COQ8B: variants seen among roughly 807,000 people sequenced by gnomAD.
COQ8B encodes the protein coenzyme Q8B.
In COQ8B, 44 loss-of-function variants were observed where a neutral mutation model predicts 62.0. That is an observed-to-expected ratio of 0.71 (90% CI 0.56 to 0.91). COQ8B has a LOEUF of 0.91. COQ8B is among the 40% of genes least tolerant of loss of function. The pLI, the probability that COQ8B is intolerant of heterozygous loss-of-function variation, is 0.00. For missense variants in COQ8B, 649 were observed against 731.6 expected (o/e 0.89, Z 1.30); for synonymous variants, 252 against 289.9 (o/e 0.87, Z 1.33).
chr19:40,715,105 CG>C, intron 1 of COQ8B: 2 of 987,390 alleles, frequency 2.0e-6, no homozygotes, highest in Non-Finnish European at 2.4e-6. Context: ...CCTGTGCTTC[CG>C]GGAGCCTCTG....
At chr19:40,702,579 A>G in intron 10 of COQ8B, 21 bp downstream of exon 10, 1 of 1,611,958 alleles carries the variant, frequency 6.2e-7, no homozygotes, top group Non-Finnish European at 8.5e-7. Flanking sequence ...GAAGGAGGGA[A>G]GCTCAGGGCA....
chr19:40,703,505 T>C (rs1387581501), intron 9 of COQ8B, 36 bp downstream of exon 9: 1 of 1,564,048 alleles, frequency 6.4e-7, no homozygotes. Context: ...CATAGCCCCT[T>C]TGGGAGGTCA....
rs1175084629 is a variant in COQ8B at position 40,691,940 on chromosome 19, G to T, written c.*95C>A. On this transcript the variant is annotated 3_prime_UTR_variant, in exon 15 of 15. Coordinates refer to ENST00000324464, the MANE Select transcript of COQ8B (RefSeq NM_024876.4). ...AGCCAGGCAAGACTGGGAAGCCCAAGGGGGCTCCTCTGACCCAGGGCAGAC... is the reference window on the plus strand; with the variant it reads ...AGCCAGGCAAGACTGGGAAGCCCAATGGGGCTCCTCTGACCCAGGGCAGAC... 2.3e-5 allele frequency: 28 copies of T among 1,232,202 alleles called. No homozygotes were observed. Among genetic ancestry groups the T allele is most frequent in the Non-Finnish European group, 2.9e-5 (27 of 933,602 alleles). 76.3% of individuals were successfully genotyped at this position (1,232,202 alleles called of 1,614,324 possible).
Position 40,698,076 on chromosome 19 carries a change from C to A in COQ8B, c.1143+1991G>T, listed in dbSNP as rs952039576. Among the ~76,000 whole-genome samples the A allele has an allele frequency of 2.7e-4, 40 of 146,540 alleles. 1 individual carries two copies. Among genetic ancestry groups the A allele is most frequent in the Non-Finnish European group, 7.5e-5 (5 of 66,282 alleles). ...ACTAAAAATACAAAAATTAGCTGGG[C>A]GTGGTGGCAGGCACCTGTAATCCCA... On this transcript the variant is annotated intron_variant, in intron 12 of 14. Transcript: ENST00000324464.
In COQ8B at chr19:40,692,368, G is replaced by T; in HGVS notation, c.1302C>A (p.Phe434Leu). The change falls in exon 15 of 15, where the codon TTC (phenylalanine) becomes TTA (leucine). Residue 434 changes from phenylalanine to leucine, a missense_variant. By Grantham distance (22) the Phe-to-Leu change is conservative. Transcript: ENST00000324464. ...TCACTGCCTCCACGTGGGCGTCGGA[G>T]AATGCCTGGGAGTGGGGGTGGGGGG... Reference protein sequence around the residue: ...KFLTGFETKAFSDAHVEAVMI... With the variant: ...KFLTGFETKALSDAHVEAVMI... 6.2e-7 allele frequency: 1 copy of T among 1,612,932 alleles called. No homozygotes were observed. The highest frequency in any genetic ancestry group is 8.5e-7 in the Non-Finnish European group (1 of 1,179,762).
chr19:40,695,807 C>T (rs1045555855), intron 13 of COQ8B, among the ~76,000 whole-genome samples, 182 bp downstream of exon 13: 2 of 152,168 alleles, frequency 1.3e-5, no homozygotes, highest in Non-Finnish European at 2.9e-5. Flanking sequence ...GGTTCCTATA[C>T]GTAAGCACTA....
chr19:40,714,730 C>T, intron 1 of COQ8B, 95 bp from the exon 2 acceptor site: 1 of 1,330,000 alleles, frequency 7.5e-7, no homozygotes, highest in African/African-American at 1.5e-5. Context: ...CTCATTCCCA[C>T]CCACTAAATA....
intron 13 of COQ8B, among the ~76,000 whole-genome samples, chr19:40,695,579 G>A (rs1001432351): frequency 2.6e-5 from 4 of 152,084 alleles, no homozygotes; most frequent in African/African-American, 9.7e-5. Flanking sequence ...GGGGTCTGGA[G>A]AGGTGACAAG....
chr19:40,714,063 C>G lies in COQ8B; in HGVS notation c.289+4G>C, dbSNP rs1468092326. ...ACACCAAGATCCCCCAAAGTCACACCTACCCCCAAAGTTGGCCAAGCGGCT... is the reference window on the plus strand; with the variant it reads ...ACACCAAGATCCCCCAAAGTCACACGTACCCCCAAAGTTGGCCAAGCGGCT... On this transcript the variant is annotated splice_donor_region_variant and intron_variant, in intron 4 of 14. Coordinates refer to ENST00000324464, the MANE Select transcript of COQ8B (RefSeq NM_024876.4). 2.5e-6 allele frequency: 4 copies of G among 1,614,000 alleles called. No homozygotes were observed. In the South Asian group the frequency reaches 4.4e-5, roughly 18 times the overall value.
At position 40,700,151 on chromosome 19, in the gene COQ8B, C is replaced by T. The variant is rs1241149764; in HGVS notation, c.1059G>A (p.Leu353=). 1 of 1,614,252 alleles carries T rather than the reference C, an allele frequency of 6.2e-7. No homozygotes were observed. The highest frequency in any genetic ancestry group is 1.1e-5 in the South Asian group (1 of 91,084). The change falls in exon 12 of 15, where the codon CTG becomes CTA. Residue 353 remains leucine (L), a synonymous_variant. Coordinates refer to ENST00000324464, the MANE Select transcript of COQ8B (RefSeq NM_024876.4). ...GGAACTCAAACAGCTCCCGCAGACACAGCGTCAGGAGCTGGAAGCAAATCT... is the reference window on the plus strand; with the variant it reads ...GGAACTCAAACAGCTCCCGCAGACATAGCGTCAGGAGCTGGAAGCAAATCT... ...RNQICFQLLT[L]CLRELFEFRF...
At chr19:40,703,983 C>A (rs925739543) in intron 7 of COQ8B, 128 bp from the exon 8 acceptor site, 57 of 1,242,006 alleles carry the variant, frequency 4.6e-5, no homozygotes, top group Non-Finnish European at 5.9e-5. Context: ...GCTGCCACCC[C>A]CTTTGCAGAT....
In COQ8B at chr19:40,714,338, C is replaced by CA; in HGVS notation, c.161dup (p.Glu56Ter). On this transcript the variant is annotated frameshift_variant, in exon 3 of 15. Coordinates refer to ENST00000324464, the MANE Select transcript of COQ8B (RefSeq NM_024876.4). LOFTEE classifies it high-confidence loss of function. ...GTGCCCTGCGAATGTCCTCCTCACC[C>CA]AGGCCTCTCCCAGGCCCATCCTGGT... 6.2e-7 allele frequency: 1 copy of CA among 1,614,132 alleles called. No individual in the cohort carries two copies. The highest frequency in any genetic ancestry group is 8.5e-7 in the Non-Finnish European group (1 of 1,179,998).
rs2081976925 is a variant in COQ8B at position 40,692,213 on chromosome 19, T to C, written c.1457A>G (p.Tyr486Cys). Residue 486 changes from tyrosine to cysteine, a missense_variant, in exon 15 of 15, where the codon TAT (tyrosine) becomes TGT (cysteine). Tyr to Cys is a radical substitution (Grantham distance 194). Transcript: ENST00000324464. Reference sequence around the variant, plus strand: ...CCCTGCCAGCTTGCGGTGCAGGGCATAGGTCTCCTCGGGTGGGGGACACAG... The same window carrying C: ...CCCTGCCAGCTTGCGGTGCAGGGCACAGGTCTCCTCGGGTGGGGGACACAG... ...HRLCPPPEET[Y>C]ALHRKLAGAF... 2 of 1,604,764 alleles carry C rather than the reference T, an allele frequency of 1.2e-6. No individual in the cohort carries two copies. The highest frequency in any genetic ancestry group is 2.7e-5 in the African/African-American group (2 of 74,620).
At chr19:40,703,360 T>C in intron 9 of COQ8B, 181 bp downstream of exon 9, 1 of 637,114 alleles carries the variant, frequency 1.6e-6, no homozygotes, top group South Asian at 2.0e-5. Context: ...CATAAGGCTT[T>C]TCCCACACCT....
chr19:40,715,870 T>TGTGTGTGTGTGCGC (rs1491577261), intron 1 of COQ8B: 18 of 143,088 alleles, frequency 1.3e-4, no homozygotes, highest in African/African-American at 4.7e-4. Flanking sequence ...TGTGTGTGTG[T>TGTGTGTGTGTGCGC]GCGCGCGCGC....
intron 12 of COQ8B, 58 bp from the exon 13 acceptor site, chr19:40,696,112 A>G: frequency 6.4e-7 from 1 of 1,571,030 alleles, no homozygotes; most frequent in East Asian, 2.2e-5. Flanking sequence ...CTCACTGTCT[A>G]TTGGGGCAGC....
intron 12 of COQ8B, among the ~76,000 whole-genome samples, chr19:40,697,687 T>C (rs939510266): frequency 2.6e-5 from 4 of 151,228 alleles, no homozygotes; most frequent in Middle Eastern, 3.4e-3. Context: ...TCCCAGCTAG[T>C]TGGGAGGCTG....
chr19:40,708,177 A>G (rs1204521829), intron 5 of COQ8B: 1 of 152,098 alleles, frequency 6.6e-6, no homozygotes, highest in Non-Finnish European at 1.5e-5. Flanking sequence ...ACAACAAAGC[A>G]ATTCTTAAGC....
chr19:40,714,801 C>T (rs969037800), intron 1 of COQ8B, 166 bp from the exon 2 acceptor site: 35 of 1,334,038 alleles, frequency 2.6e-5, no homozygotes, highest in Non-Finnish European at 3.4e-5. Flanking sequence ...TTGCTAGGAA[C>T]CCTTAGCTCT....
Sources: allele counts gnomAD v4.1 joint callset (sites outside exome capture counted in the v4.1 genomes callset), GRCh38; gene constraint gnomAD v4.1.1; transcripts MANE v1.5; gene names NCBI Gene and HGNC (gene_info 2026-07-23, HGNC 2026-07-21).